ASXL2: variants seen among roughly 807,000 people sequenced by gnomAD.
ASXL2 encodes the protein putative Polycomb group protein ASXL2.
In ASXL2, 23 loss-of-function variants were observed where a neutral mutation model predicts 122.0. The ratio of observed to expected loss-of-function variants is 0.19; its 90% CI spans 0.14 to 0.27. ASXL2 has a LOEUF of 0.27. ASXL2 is among the 10% of genes least tolerant of loss of function. The probability of loss-of-function intolerance (pLI) is 1.00; values close to 1 mark genes in which losing one functional copy is unlikely to be tolerated. For synonymous variants in ASXL2, 650 were observed against 637.0 expected (o/e 1.02, Z -0.31); for missense variants, 1,518 against 1,713.8 (o/e 0.89, Z 2.02).
chr2:25,750,502 G>C, intron 11 of ASXL2, 89 bp from the exon 12 acceptor site: 1 of 1,162,652 alleles, frequency 8.6e-7, no homozygotes, highest in Non-Finnish European at 1.2e-6. Context: ...AGATGACAAT[G>C]CCTAGGAGAA....
In ASXL2 at chr2:25,878,244, G is replaced by GA. The variant is rs1247748001; in HGVS notation, c.-23dup. On this transcript the variant is annotated 5_prime_UTR_variant, in exon 1 of 13. Transcript: ENST00000435504. ...TCATGTCGGGTCTTGAACTGACTGG[G>GA]AGGCTCCCGTGTCCGGGCTCCGGCC... 1 of 1,613,316 alleles carries GA rather than the reference G, an allele frequency of 6.2e-7. No individual in the cohort carries two copies. The highest frequency in any genetic ancestry group is 8.5e-7 in the Non-Finnish European group (1 of 1,179,576).
intron 1 of ASXL2, among the ~76,000 whole-genome samples, chr2:25,848,134 T>C (rs757532494): frequency 7.2e-5 from 11 of 152,198 alleles, no homozygotes; most frequent in Non-Finnish European, 1.3e-4. Flanking sequence ...GTGTCATTTC[T>C]CTGGCATATC....
rs1201801150 is a variant in ASXL2 at position 25,734,393 on chromosome 2, C to T, written c.*7636G>A. On this transcript the variant is annotated 3_prime_UTR_variant, in exon 13 of 13. Transcript: ENST00000435504. ...GAAGTCTCCAAACTACTGAAACTTG[C>T]CTGAAAATCTAAAATGAAAAGAACT... 4 of 152,108 alleles carry T rather than the reference C, an allele frequency of 2.6e-5. No individual in the cohort carries two copies. Among genetic ancestry groups the T allele is most frequent in the Non-Finnish European group, 4.4e-5 (3 of 68,004 alleles). The allele number at this position is 152,108 out of a possible 1,614,324, so 9.4% of individuals were successfully genotyped here.
intron 3 of ASXL2, among the ~76,000 whole-genome samples, chr2:25,821,489 C>A (rs1456227146): frequency 1.3e-5 from 2 of 151,966 alleles, no homozygotes; most frequent in African/African-American, 4.8e-5. Flanking sequence ...CGGGGCTGGG[C>A]GTGGTGGCTC....
intron 5 of ASXL2, among the ~76,000 whole-genome samples, chr2:25,784,180 A>C (rs924992784): frequency 6.6e-6 from 1 of 152,050 alleles, no homozygotes; most frequent in Admixed American, 6.6e-5. Flanking sequence ...GAGCCTAAGA[A>C]GTTGAGACTG....
chr2:25,743,316 A>T lies in ASXL2; in HGVS notation c.3021T>A (p.Val1007=). The T allele has an allele frequency of 1.2e-6, 2 of 1,613,900 alleles. No homozygotes were observed. Among genetic ancestry groups the T allele is most frequent in the Non-Finnish European group, 1.7e-6 (2 of 1,179,868 alleles). The stretch of plus-strand genomic sequence containing the variant: ...TAGCTGGATGGGACTGTCTCTCATT[A>T]ACTTCCTCTCTGGTGCTATTTTCTG... ...NTTENSTREE[V]NERQSHPATQ... Residue 1007 remains valine, a synonymous_variant, in exon 13 of 13, where the codon GTT becomes GTA. Coordinates refer to ENST00000435504, the MANE Select transcript of ASXL2 (RefSeq NM_018263.6).
At chr2:25,804,293 TG>T (rs2089046794) in intron 4 of ASXL2, among the ~76,000 whole-genome samples, 2 of 152,238 alleles carry the variant, frequency 1.3e-5, no homozygotes, top group South Asian at 4.1e-4. Context: ...CCCCTTCAGC[TG>T]ATAAATTTCC....
chr2:25,766,497 C>T (rs895430509), intron 8 of ASXL2, among the ~76,000 whole-genome samples: 17 of 152,328 alleles, frequency 1.1e-4, no homozygotes, highest in African/African-American at 4.1e-4. Context: ...TAAGAAATTT[C>T]TTCAACTTTA....
intron 1 of ASXL2, among the ~76,000 whole-genome samples, chr2:25,852,717 T>C (rs1413489497): frequency 3.3e-5 from 5 of 152,096 alleles, no homozygotes; most frequent in Admixed American, 2.6e-4. Flanking sequence ...ACCAGAGAGA[T>C]GAGAAGAAAA....
rs568495446 is a variant in ASXL2, at chr2:25,736,555, G to A, written c.*5474C>T. The A allele has an allele frequency of 1.3e-5, 2 of 151,794 alleles. No individual in the cohort carries two copies. Among genetic ancestry groups the A allele is most frequent in the Non-Finnish European group, 2.9e-5 (2 of 67,992 alleles). The allele number at this position is 151,794 out of a possible 1,614,324, so 9.4% of individuals were successfully genotyped here. Reference sequence around the variant, plus strand: ...ATCTAGACTGCTGTTCTCTTGGAAGGCTGAATTATCTCCAACGTCTTGGGA... The same window carrying A: ...ATCTAGACTGCTGTTCTCTTGGAAGACTGAATTATCTCCAACGTCTTGGGA... On this transcript the variant is annotated 3_prime_UTR_variant, in exon 13 of 13. Coordinates refer to ENST00000435504, the MANE Select transcript of ASXL2 (RefSeq NM_018263.6).
intron 3 of ASXL2, among the ~76,000 whole-genome samples, chr2:25,832,269 C>T (rs2089463809): frequency 1.3e-5 from 2 of 152,158 alleles, no homozygotes; most frequent in Admixed American, 1.3e-4. Context: ...CCACACTTCA[C>T]TTAGAGTGGT....
rs140276514 is a variant in ASXL2 at position 25,836,167 on chromosome 2, A to G, written c.141-627T>C. On this transcript the variant is annotated intron_variant, in intron 2 of 12. Coordinates refer to ENST00000435504, the MANE Select transcript of ASXL2 (RefSeq NM_018263.6). ...GGCCAAAGCAGGATTGCTTGAGCCC[A>G]AGAATTCAAGATGAGCCTGAGCAAC... is the stretch of plus-strand genomic sequence containing the variant. Among the ~76,000 whole-genome samples the G allele has an allele frequency of 6.0e-3, 914 of 152,328 alleles. 9 individuals are homozygous for G. The highest frequency in any genetic ancestry group is 0.021 in the African/African-American group (860 of 41,576).
intron 5 of ASXL2, among the ~76,000 whole-genome samples, chr2:25,779,407 A>AT (rs2088598047): frequency 6.6e-6 from 1 of 151,694 alleles, no homozygotes; most frequent in Admixed American, 6.6e-5. Context: ...CTGATTTTGT[A>AT]TTTTTATCCC....
intron 11 of ASXL2, among the ~76,000 whole-genome samples, chr2:25,751,025 A>G (rs1040709368): frequency 2.0e-5 from 3 of 152,334 alleles, no homozygotes; most frequent in Middle Eastern, 3.4e-3. Flanking sequence ...GTTTAGCTCT[A>G]AAATTCTGAG....
At chr2:25,874,411 C>G (rs1355515903) in intron 1 of ASXL2, among the ~76,000 whole-genome samples, 2 of 152,136 alleles carry the variant, frequency 1.3e-5, no homozygotes, top group Non-Finnish European at 2.9e-5. Flanking sequence ...ATTGCTTGAG[C>G]CTGGCAGGCA....
chr2:25,821,780 A>C (rs554157205), intron 3 of ASXL2, among the ~76,000 whole-genome samples: 109 of 152,384 alleles, frequency 7.2e-4, no homozygotes, highest in African/African-American at 1.7e-3. Flanking sequence ...ATCAAATAAG[A>C]AGCAGCAAGA....
chr2:25,809,843 TA>T, intron 3 of ASXL2: 1 of 457,980 alleles, frequency 2.2e-6, no homozygotes, highest in South Asian at 1.7e-5. Flanking sequence ...CTTCCAGTTA[TA>T]AAGGTCAGCT....
Position 25,739,539 on chromosome 2 carries a change from G to T in ASXL2, c.*2490C>A. The T allele has an allele frequency of 5.2e-6, 1 of 191,802 alleles. No homozygotes were observed. Among genetic ancestry groups the T allele is most frequent in the Non-Finnish European group, 1.1e-5 (1 of 91,628 alleles). 11.9% of individuals were successfully genotyped at this position (191,802 alleles called of 1,614,324 possible). ...AAGATTGAGGCAGTGTATCTAGTTGGCAATATCTGTTTTAGGAGTATTCCT... is the reference window on the plus strand; with the variant it reads ...AAGATTGAGGCAGTGTATCTAGTTGTCAATATCTGTTTTAGGAGTATTCCT... On this transcript the variant is annotated 3_prime_UTR_variant, in exon 13 of 13. Coordinates refer to ENST00000435504, the MANE Select transcript of ASXL2 (RefSeq NM_018263.6).
chr2:25,789,576 C>T (rs568877008), intron 5 of ASXL2, among the ~76,000 whole-genome samples: 38 of 152,118 alleles, frequency 2.5e-4, no homozygotes, highest in South Asian at 4.1e-4. Context: ...TGTATACTTA[C>T]GTGTACTTTA....
Sources: gnomAD v4.1 joint callset for allele counts (sites outside exome capture counted in the v4.1 genomes callset) on GRCh38, gnomAD v4.1.1 for gene constraint, MANE v1.5 for transcripts, NCBI Gene and HGNC (gene_info 2026-07-23, HGNC 2026-07-21) for gene names.